The following TRIM65 variants were observed in gnomAD, a reference collection of about 807,000 sequenced individuals.
The protein encoded by TRIM65 is E3 ubiquitin-protein ligase TRIM65.
Under a neutral mutation model 36.1 loss-of-function variants are expected in TRIM65, and 46 were observed. That is an observed-to-expected ratio of 1.27 (90% CI 1.01 to 1.63). TRIM65 has a LOEUF of 1.63. TRIM65 is among the 40% of genes most tolerant of loss of function. TRIM65 has a pLI of 0.00. For synonymous variants in TRIM65, 346 were observed against 313.6 expected (o/e 1.10, Z -1.09); for missense variants, 708 against 696.6 (o/e 1.02, Z -0.18).
chr17:75,894,842 G>A (rs1023527602), intron 1 of TRIM65, among the ~76,000 whole-genome samples: 3 of 152,164 alleles, frequency 2.0e-5, no homozygotes, highest in African/African-American at 7.2e-5. Context: ...GCCAGGCTGC[G>A]GGGGGTCCGG....
At chr17:75,879,579 A>G (rs1323105157), downstream of TRIM65, 2 of 150,724 alleles carry the variant, frequency 1.3e-5, no homozygotes. Flanking sequence ...TTATATCTCA[A>G]TAATGTTAAG....
rs1227717710 is a variant in TRIM65, at chr17:75,889,822, A to AT, written c.*956dup. The AT allele has an allele frequency of 6.6e-6, 1 of 152,212 alleles. No homozygotes were observed. The highest frequency in any genetic ancestry group is 1.9e-4 in the East Asian group (1 of 5,196). The allele number at this position is 152,212 out of a possible 1,614,324, so 9.4% of individuals were successfully genotyped here. On this transcript the variant is annotated 3_prime_UTR_variant, in exon 6 of 6. Coordinates refer to ENST00000269383, the MANE Select transcript of TRIM65 (RefSeq NM_173547.4). ...TTCATCATAAGCCAGGCGTGGTGGC[A>AT]TACACCTGTAATCCCAGCTACTCAG...
chr17:75,879,782 T>C (rs1355421008), downstream of TRIM65, among the ~76,000 whole-genome samples: 1 of 150,524 alleles, frequency 6.6e-6, no homozygotes, highest in Non-Finnish European at 1.5e-5. Context: ...AGATGGAGTT[T>C]CGCTCTTGTC....
intron 5 of TRIM65, 51 bp downstream of exon 5, chr17:75,891,762 T>C: frequency 6.4e-7 from 1 of 1,568,444 alleles, no homozygotes; most frequent in South Asian, 1.2e-5. Context: ...ACACAGGCAC[T>C]TCCTTGCACA....
downstream of TRIM65, among the ~76,000 whole-genome samples, chr17:75,887,667 A>T (rs1204239797): frequency 2.0e-5 from 3 of 151,696 alleles, no homozygotes; most frequent in East Asian, 1.9e-4. Flanking sequence ...AAAAAAAAGA[A>T]AAAAAGATAA....
downstream of TRIM65, among the ~76,000 whole-genome samples, chr17:75,887,150 C>G (rs945214346): frequency 1.1e-4 from 6 of 52,638 alleles, no homozygotes; most frequent in African/African-American, 4.6e-4. Flanking sequence ...GAGGCCCCAT[C>G]TCTTAAAAAA....
In TRIM65 at chr17:75,891,207, C is replaced by G. The variant is rs2065260847; in HGVS notation, c.1126G>C (p.Ala376Pro). The G allele has an allele frequency of 3.7e-6, 6 of 1,612,382 alleles. No homozygotes were observed. The highest frequency in any genetic ancestry group is 1.6e-4 in the Middle Eastern group (1 of 6,062). Residue 376 changes from alanine to proline, a missense_variant, in exon 6 of 6, where the codon GCC becomes CCC. Transcript: ENST00000269383. ...TGGTGCCCGGCCTGGAAGCTCTGGGCACATTGCACCTGCCAGAGCTCAAAG... is the reference window on the plus strand; with the variant it reads ...TGGTGCCCGGCCTGGAAGCTCTGGGGACATTGCACCTGCCAGAGCTCAAAG... ...GSFELWQVQC[A>P]QSFQAGHHYW... is the part of the protein sequence containing the mutation.
chr17:75,895,630 C>T (rs2065335277), intron 1 of TRIM65, among the ~76,000 whole-genome samples: 1 of 152,222 alleles, frequency 6.6e-6, no homozygotes, highest in Non-Finnish European at 1.5e-5. Flanking sequence ...TTCCTCAATC[C>T]TCACATGCCA....
intron 5 of TRIM65, 100 bp downstream of exon 5, chr17:75,891,713 G>C (rs568240965): frequency 7.1e-7 from 1 of 1,406,142 alleles, no homozygotes; most frequent in Admixed American, 2.1e-5. Context: ...TCACTCACAC[G>C]TGCATACGAA....
chr17:75,886,731 C>T (rs1463609830), downstream of TRIM65, among the ~76,000 whole-genome samples: 3 of 152,016 alleles, frequency 2.0e-5, no homozygotes, highest in Non-Finnish European at 2.9e-5. Flanking sequence ...CCTGATTGTG[C>T]ACAACTGAAG....
exon 5 of TRIM65, chr17:75,880,551 C>CT (rs1414946201): frequency 6.6e-6 from 1 of 150,642 alleles, no homozygotes; most frequent in Non-Finnish European, 1.5e-5. Flanking sequence ...TGAAAATACT[C>CT]TATTTCCAAA....
intron 5 of TRIM65, among the ~76,000 whole-genome samples, 192 bp from the exon 6 acceptor site, chr17:75,891,539 G>C (rs775463087): frequency 5.9e-5 from 9 of 152,250 alleles, no homozygotes; most frequent in Admixed American, 1.3e-4. Flanking sequence ...GGCTCTGAGA[G>C]CCATTAACTC....
intron 3 of TRIM65, 28 bp from the exon 4 acceptor site, chr17:75,892,213 T>C: frequency 6.3e-7 from 1 of 1,584,230 alleles, no homozygotes; most frequent in South Asian, 1.1e-5. Context: ...CAAGTAAGCC[T>C]GGGCCTGAGG....
downstream of TRIM65, among the ~76,000 whole-genome samples, chr17:75,886,517 G>A (rs1226598120): frequency 2.5e-5 from 2 of 78,696 alleles, no homozygotes; most frequent in Non-Finnish European, 2.3e-5. Context: ...GCGAGACTCC[G>A]TTTCAAAAAA....
At position 75,892,860 on chromosome 17, in the gene TRIM65, G is replaced by A. The variant is rs549448381; in HGVS notation, c.415-10C>T. The stretch of plus-strand genomic sequence containing the variant: ...TGGCTCTCAGCTGGGCCTGTGGTGC[G>A]GGCCCACGGGACAAGCAACAAGAGA... On this transcript the variant is annotated splice_polypyrimidine_tract_variant and intron_variant, in intron 1 of 5. Coordinates refer to ENST00000269383, the MANE Select transcript of TRIM65 (RefSeq NM_173547.4). 5.1e-5 allele frequency: 81 copies of A among 1,599,256 alleles called. No individual in the cohort carries two copies. The highest frequency in any genetic ancestry group is 4.5e-5 in the Non-Finnish European group (53 of 1,178,526).
At chr17:75,894,938 T>C (rs934243212) in intron 1 of TRIM65, among the ~76,000 whole-genome samples, 1 of 152,266 alleles carries the variant, frequency 6.6e-6, no homozygotes, top group African/African-American at 2.4e-5. Context: ...CAGCCCTTGG[T>C]CTGGCAGAAG....
At chr17:75,892,879 C>A in intron 1 of TRIM65, 29 bp from the exon 2 acceptor site, 2 of 1,587,076 alleles carry the variant, frequency 1.3e-6, no homozygotes, top group Non-Finnish European at 8.6e-7. Context: ...GGACAAGCAA[C>A]AAGAGAAGGC....
chr17:75,896,876 T>C lies in TRIM65; in HGVS notation c.62A>G (p.Asp21Gly). The C allele has an allele frequency of 6.5e-7, 1 of 1,530,082 alleles. No individual in the cohort carries two copies. Among genetic ancestry groups the C allele is most frequent in the Non-Finnish European group, 8.8e-7 (1 of 1,142,418 alleles). 94.8% of individuals were successfully genotyped at this position (1,530,082 alleles called of 1,614,324 possible). Residue 21 changes from aspartate to glycine, a missense_variant, in exon 1 of 6, where the codon GAC becomes GGC. Physicochemically the swap from Asp to Gly is moderately conservative, Grantham distance 94. Coordinates refer to ENST00000269383, the MANE Select transcript of TRIM65 (RefSeq NM_173547.4). ...TCAICLGLYQ[D>G]PVTLPCGHNF... ...GTGGCCGCAGGGCAGCGTCACTGGG[T>C]CCTGGTAGAGCCCCAGGCAGATGGC...
At chr17:75,887,793 G>A (rs1325584785), downstream of TRIM65, among the ~76,000 whole-genome samples, 4 of 152,156 alleles carry the variant, frequency 2.6e-5, no homozygotes, top group South Asian at 2.1e-4. Flanking sequence ...AGGCCCAGGC[G>A]GGTGGATCAC....
Sources: allele counts gnomAD v4.1 joint callset (sites outside exome capture counted in the v4.1 genomes callset), GRCh38; gene constraint gnomAD v4.1.1; transcripts MANE v1.5; gene names NCBI Gene and HGNC (gene_info 2026-07-23, HGNC 2026-07-21).